Variants in SHANK2 observed in about 807,000 individuals in gnomAD.
SHANK2 encodes SH3 and multiple ankyrin repeat domains 2.
Under a neutral mutation model 133.7 loss-of-function variants are expected in SHANK2, and 43 were observed. The observed-to-expected ratio is 0.32, with a 90% confidence interval of 0.25 to 0.41. The LOEUF is 0.41. SHANK2 is among the 10% of genes least tolerant of loss of function. The pLI is 1.00. For missense variants in SHANK2, 1,994 were observed against 2,235.8 expected, an observed-to-expected ratio of 0.89 and a Z score of 2.18; for synonymous variants, 1,017 against 952.8, an observed-to-expected ratio of 1.07 and a Z score of -1.24.
chr11:71,063,072 G>GGAGAAA (rs1185003744), intron 9 of SHANK2, among the ~76,000 whole-genome samples: 5 of 148,976 alleles, frequency 3.4e-5, no homozygotes, highest in Admixed American at 6.7e-5. Context: ...AGGAAGGGAG[G>GGAGAAA]GAGAAAGAGA....
chr11:70,803,334 C>CCATT (rs1948090995), intron 13 of SHANK2, among the ~76,000 whole-genome samples: 1 of 150,910 alleles, frequency 6.6e-6, no homozygotes, highest in Non-Finnish European at 1.5e-5. Flanking sequence ...ATCCATCCAT[C>CCATT]TACCCATCCA....
At chr11:70,921,243 C>G (rs1434171266) in intron 10 of SHANK2, among the ~76,000 whole-genome samples, 2 of 152,206 alleles carry the variant, frequency 1.3e-5, no homozygotes, top group Admixed American at 1.3e-4. Context: ...CAGGGATCTA[C>G]TGAAGCTACA....
Position 71,109,936 on chromosome 11 carries a change from C to T in SHANK2, c.592+5G>A, listed in dbSNP as rs1555098787. 4 of 1,543,980 alleles carry T rather than the reference C, an allele frequency of 2.6e-6. No individual in the cohort carries two copies. Among genetic ancestry groups the T allele is most frequent in the African/African-American group, 1.4e-5 (1 of 72,992 alleles). ...CTGGTAAGGTCCCCTCTAGCAAGTG[C>T]TCACCTCCGGTCTCCGGGTCGTGGA... On this transcript the variant is annotated splice_donor_5th_base_variant and intron_variant, in intron 6 of 25. Transcript: ENST00000601538.
At chr11:71,083,982 G>GT (rs1245931844) in intron 8 of SHANK2, among the ~76,000 whole-genome samples, 45 of 147,350 alleles carry the variant, frequency 3.1e-4, no homozygotes, top group African/African-American at 1.1e-3. Context: ...TTTTTTTTGG[G>GT]GGGGGGAGAC....
chr11:70,679,717 T>A (rs1944985201), intron 15 of SHANK2, among the ~76,000 whole-genome samples: 1 of 152,268 alleles, frequency 6.6e-6, no homozygotes, highest in East Asian at 1.9e-4. Context: ...GTCTGGCGCA[T>A]TTTGGGGTAT....
At chr11:70,641,456 T>A (rs1395048303) in intron 17 of SHANK2, among the ~76,000 whole-genome samples, 1 of 152,126 alleles carries the variant, frequency 6.6e-6, no homozygotes, top group Admixed American at 6.5e-5. Flanking sequence ...CATTGTGAGA[T>A]CAACAGCAGA....
At chr11:70,709,508 G>A (rs73527921) in intron 14 of SHANK2, among the ~76,000 whole-genome samples, 4,048 of 152,288 alleles carry the variant, frequency 0.027, 179 homozygotes, top group African/African-American at 0.092. Context: ...CAGCAGAGAT[G>A]GGGAAATATC....
intron 10 of SHANK2, among the ~76,000 whole-genome samples, chr11:70,905,127 T>C (rs1264476325): frequency 6.6e-6 from 1 of 152,096 alleles, no homozygotes; most frequent in Non-Finnish European, 1.5e-5. Context: ...ACTCAGTACC[T>C]GGACAGGCTT....
At chr11:70,576,481 C>A (rs2060117911) in intron 17 of SHANK2, among the ~76,000 whole-genome samples, 1 of 151,694 alleles carries the variant, frequency 6.6e-6, no homozygotes, top group Non-Finnish European at 1.5e-5. Flanking sequence ...AAAAACAATA[C>A]AAAATATTAG....
intron 14 of SHANK2, among the ~76,000 whole-genome samples, chr11:70,767,946 G>A (rs536972432): frequency 4.6e-5 from 7 of 152,076 alleles, no homozygotes; most frequent in Non-Finnish European, 7.4e-5. Flanking sequence ...TACCACCAGG[G>A]GTCCTCTGGG....
chr11:70,726,173 C>CAGT (rs1946178176), intron 14 of SHANK2, among the ~76,000 whole-genome samples: 1 of 152,148 alleles, frequency 6.6e-6, no homozygotes, highest in Non-Finnish European at 1.5e-5. Context: ...AAATCTTACC[C>CAGT]GGAACCTAAC....
intron 17 of SHANK2, among the ~76,000 whole-genome samples, chr11:70,548,297 GCA>G (rs2059720392): frequency 6.6e-6 from 1 of 152,252 alleles, no homozygotes; most frequent in Non-Finnish European, 1.5e-5. Flanking sequence ...ACACAGACGT[GCA>G]CACACAGCCA....
chr11:70,903,999 C>A (rs990238729), intron 10 of SHANK2, among the ~76,000 whole-genome samples: 30 of 152,316 alleles, frequency 2.0e-4, no homozygotes, highest in African/African-American at 7.0e-4. Flanking sequence ...AGACCCTCGA[C>A]CTGGTGCTTC....
At chr11:70,704,631 T>A (rs1245411516) in intron 14 of SHANK2, among the ~76,000 whole-genome samples, 1 of 64,880 alleles carries the variant, frequency 1.5e-5, no homozygotes, top group Non-Finnish European at 4.8e-5. Context: ...AGAGATGCGA[T>A]GGAAGGACAC....
chr11:70,736,218 C>T (rs1222031159), intron 14 of SHANK2, among the ~76,000 whole-genome samples: 6 of 152,154 alleles, frequency 3.9e-5, no homozygotes, highest in South Asian at 2.1e-4. Context: ...GCCAACCGCT[C>T]GTTTCAGAGC....
chr11:70,759,598 C>G (rs1386250014), intron 14 of SHANK2, among the ~76,000 whole-genome samples: 1 of 152,162 alleles, frequency 6.6e-6, no homozygotes, highest in Admixed American at 6.5e-5. Context: ...GGCGTTAACA[C>G]TAAAGGAGAG....
chr11:70,938,299 G>A (rs918464112), intron 10 of SHANK2, among the ~76,000 whole-genome samples: 3 of 152,160 alleles, frequency 2.0e-5, no homozygotes, highest in African/African-American at 4.8e-5. Flanking sequence ...GAGGAGATGT[G>A]CTGAGGATAA....
intron 11 of SHANK2, among the ~76,000 whole-genome samples, chr11:70,852,988 C>G (rs964543023): frequency 1.3e-5 from 2 of 152,096 alleles, no homozygotes; most frequent in African/African-American, 2.4e-5. Flanking sequence ...CAGTGGGCCA[C>G]GTGGGAAGTT....
chr11:70,689,311 G>A (rs1945226017), intron 15 of SHANK2, among the ~76,000 whole-genome samples: 1 of 152,280 alleles, frequency 6.6e-6, no homozygotes, highest in South Asian at 2.1e-4. Context: ...AGTGACAAAT[G>A]GGGAGAACGT....
Sources: gnomAD v4.1 joint callset for allele counts (sites outside exome capture counted in the v4.1 genomes callset) on GRCh38, gnomAD v4.1.1 for gene constraint, MANE v1.5 for transcripts, NCBI Gene and HGNC (gene_info 2026-07-23, HGNC 2026-07-21) for gene names.